The following PCDHB16 variants were observed in gnomAD, a reference collection of about 807,000 sequenced individuals.
The protein encoded by PCDHB16 is protocadherin beta-16.
For missense variants in PCDHB16, 1,026 were observed against 989.9 expected (o/e 1.04, Z -0.49); for synonymous variants, 444 against 436.5 (o/e 1.02, Z -0.21).
Position 141,185,007 on chromosome 5 carries a change from A to T in PCDHB16, c.*117A>T. ...TTCTTATGATTGTCTTGTTGATTAA[A>T]TTGTTCATGCTCACCACCACCAATA... is the stretch of plus-strand genomic sequence containing the variant. On this transcript the variant is annotated 3_prime_UTR_variant, in exon 1 of 1. Transcript: ENST00000609684. The T allele has an allele frequency of 6.8e-7, 1 of 1,477,124 alleles. No homozygotes were observed. The highest frequency in any genetic ancestry group is 9.0e-7 in the Non-Finnish European group (1 of 1,114,186). The allele number at this position is 1,477,124 out of a possible 1,614,324, so 91.5% of individuals were successfully genotyped here.
chr5:141,182,754 G>T lies in PCDHB16; in HGVS notation c.195G>T (p.Arg65Ser), dbSNP rs782507416. Residue 65 changes from arginine (R) to serine (S), a missense_variant, in exon 1 of 1, where the codon AGG becomes AGT. Transcript: ENST00000609684. ...CAGAGATGTCCACCCGCAAGGCCAG[G>T]ATCATTTCCCAGGGGAACAAACAGC... ...GLTEMSTRKA[R>S]IISQGNKQHL... The T allele has an allele frequency of 6.2e-7, 1 of 1,612,992 alleles. No individual in the cohort carries two copies. Among genetic ancestry groups the T allele is most frequent in the African/African-American group, 1.3e-5 (1 of 75,002 alleles).
In PCDHB16 at chr5:141,184,512, G is replaced by A. The variant is rs372268239; in HGVS notation, c.1953G>A (p.Pro651=). 1 of 1,609,320 alleles carries A rather than the reference G, an allele frequency of 6.2e-7. No homozygotes were observed. The highest frequency in any genetic ancestry group is 8.5e-7 in the Non-Finnish European group (1 of 1,179,610). The change falls in exon 1 of 1, where the codon CCG becomes CCA. Residue 651 remains proline, a synonymous_variant. Transcript: ENST00000609684. Reference sequence around the variant, plus strand: ...TGGTCAAGGACAATGGCGAGCCTCCGCGCTCGGCCACCGCCACGCTGCACG... The same window carrying A: ...TGGTCAAGGACAATGGCGAGCCTCCACGCTCGGCCACCGCCACGCTGCACG... ...VVLVKDNGEP[P]RSATATLHVL...
chr5:141,183,450 G>C lies in PCDHB16; in HGVS notation c.891G>C (p.Met297Ile). The stretch of plus-strand genomic sequence containing the variant: ...GTAAAACTTTGGAGGTAAATCCTAT[G>C]ACAGGGGAAGTTCGACTGAGAAAGC... ...DISKTLEVNP[M>I]TGEVRLRKQV... Residue 297 changes from methionine (M) to isoleucine (I), a missense_variant, in exon 1 of 1, where the codon ATG (methionine) becomes ATC (isoleucine). Coordinates refer to ENST00000609684, the MANE Select transcript of PCDHB16 (RefSeq NM_020957.4). 1.2e-6 allele frequency: 2 copies of C among 1,614,180 alleles called. No homozygotes were observed. The highest frequency in any genetic ancestry group is 1.7e-6 in the Non-Finnish European group (2 of 1,180,042).
rs1753617476 is a variant in PCDHB16, at chr5:141,183,400, CTCTT to C, written c.844_847del (p.Phe282SerfsTer12). 1.2e-6 allele frequency: 2 copies of C among 1,614,224 alleles called. No homozygotes were observed. Among genetic ancestry groups the C allele is most frequent in the Non-Finnish European group, 1.7e-6 (2 of 1,180,036 alleles). On this transcript the variant is annotated frameshift_variant, in exon 1 of 1. Transcript: ENST00000609684. LOFTEE classifies it low-confidence loss of function (END_TRUNC). The stretch of plus-strand genomic sequence containing the variant: ...AGCCAATGGAAAAATATCATACACA[CTCTT>C]TCAGCCTTCGGAGGATATTAGTAAA...
Position 141,185,784 on chromosome 5 carries a change from T to C in PCDHB16, c.*894T>C, listed in dbSNP as rs1753716958. On this transcript the variant is annotated 3_prime_UTR_variant, in exon 1 of 1. Coordinates refer to ENST00000609684, the MANE Select transcript of PCDHB16 (RefSeq NM_020957.4). ...AAAAGTTCTATTTTCCCTGTATTGG[T>C]ATCTCCTTAAATAAAATAAAATATT... The C allele has an allele frequency of 3.1e-6, 3 of 982,172 alleles. No individual in the cohort carries two copies. The highest frequency in any genetic ancestry group is 4.8e-5 in the South Asian group (1 of 20,924). 60.8% of individuals were successfully genotyped at this position (982,172 alleles called of 1,614,324 possible). A position where few individuals can be genotyped will look rare whatever the true frequency, so the allele number is the denominator to read the frequency against.
In PCDHB16 at chr5:141,182,613, T is replaced by C; in HGVS notation, c.54T>C (p.Phe18=). The change falls in exon 1 of 1, where the codon TTT becomes TTC. Residue 18 remains phenylalanine (F), a synonymous_variant. Transcript: ENST00000609684. ...NRRQRQVLVF[F]VLLSLSGAGA... Reference sequence around the variant, plus strand: ...GACAAAGGCAAGTCCTTGTTTTCTTTGTTTTGCTGAGCTTGTCTGGGGCGG... The same window carrying C: ...GACAAAGGCAAGTCCTTGTTTTCTTCGTTTTGCTGAGCTTGTCTGGGGCGG... 6.5e-7 allele frequency: 1 copy of C among 1,544,586 alleles called. No individual in the cohort carries two copies. The highest frequency in any genetic ancestry group is 8.7e-7 in the Non-Finnish European group (1 of 1,148,392).
In PCDHB16 at chr5:141,183,343, G is replaced by A; in HGVS notation, c.784G>A (p.Ala262Thr). 6.2e-7 allele frequency: 1 copy of A among 1,614,190 alleles called. No homozygotes were observed. The highest frequency in any genetic ancestry group is 1.6e-4 in the Middle Eastern group (1 of 6,062). ...PENSPLGSLV[A>T]TVSARDLDGG... ...GAACAGTCCTCTTGGCTCCCTGGTT[G>A]CCACCGTCTCCGCCAGGGATTTAGA... is the stretch of plus-strand genomic sequence containing the variant. Residue 262 changes from alanine (A) to threonine (T), a missense_variant, in exon 1 of 1, where the codon GCC (alanine) becomes ACC (threonine). Transcript: ENST00000609684.
chr5:141,182,577 G>T lies in PCDHB16; in HGVS notation c.18G>T (p.Met6Ile). Residue 6 changes from methionine to isoleucine, a missense_variant, in exon 1 of 1, where the codon ATG becomes ATT. Coordinates refer to ENST00000609684, the MANE Select transcript of PCDHB16 (RefSeq NM_020957.4). ...AAAAAGCAATGGAGATTGGATGGAT[G>T]CACAATCGGAGACAAAGGCAAGTCC... is the stretch of plus-strand genomic sequence containing the variant. The part of the protein sequence containing the change: MEIGW[M>I]HNRRQRQVLV... 6.6e-7 allele frequency: 1 copy of T among 1,521,276 alleles called. No homozygotes were observed. The highest frequency in any genetic ancestry group is 8.8e-7 in the Non-Finnish European group (1 of 1,136,640). 94.2% of individuals were successfully genotyped at this position (1,521,276 alleles called of 1,614,324 possible).
In PCDHB16 at chr5:141,184,841, C is replaced by A. The variant is rs1554282483; in HGVS notation, c.2282C>A (p.Thr761Lys). 1 of 1,614,090 alleles carries A rather than the reference C, an allele frequency of 6.2e-7. No homozygotes were observed. Among genetic ancestry groups the A allele is most frequent in the African/African-American group, 1.3e-5 (1 of 74,930 alleles). Residue 761 changes from threonine to lysine, a missense_variant, in exon 1 of 1, where the codon ACA (threonine) becomes AAA (lysine). Coordinates refer to ENST00000609684, the MANE Select transcript of PCDHB16 (RefSeq NM_020957.4). ...GTGTGTCTGACAGGAGGCTCAGAAACAAGTGAGTTCAAGTTCCTGAAGCCG... is the reference window on the plus strand; with the variant it reads ...GTGTGTCTGACAGGAGGCTCAGAAAAAAGTGAGTTCAAGTTCCTGAAGCCG... ...YEVCLTGGSE[T>K]SEFKFLKPII...
Position 141,185,986 on chromosome 5 carries a change from G to C in PCDHB16, c.*1096G>C, listed in dbSNP as rs782720141. 2.8e-5 allele frequency: 27 copies of C among 963,098 alleles called. 1 individual carries two copies. The South Asian group carries it at 1.2e-3, about 42-fold the overall frequency. 59.7% of individuals were successfully genotyped at this position (963,098 alleles called of 1,614,324 possible). A position where few individuals can be genotyped will look rare whatever the true frequency, so the allele number is the denominator to read the frequency against. Reference sequence around the variant, plus strand: ...CTATTACTGAATTAAAAAATCAGAGGTCCCTGTTATATTTTTAATGGCTAA... The same window carrying C: ...CTATTACTGAATTAAAAAATCAGAGCTCCCTGTTATATTTTTAATGGCTAA... On this transcript the variant is annotated 3_prime_UTR_variant, in exon 1 of 1. Transcript: ENST00000609684.
At position 141,184,456 on chromosome 5, in the gene PCDHB16, C is replaced by G. The variant is rs782733116; in HGVS notation, c.1897C>G (p.Arg633Gly). ...GCGCACCGCCAGGCTGCTGAGCGAG[C>G]GCGACGCAGCCAAGCAGAGGCTGGT... ...EVRTARLLSE[R>G]DAAKQRLVVL... The change falls in exon 1 of 1, where the codon CGC becomes GGC. Residue 633 changes from arginine (R) to glycine (G), a missense_variant. Physicochemically the swap from Arg to Gly is moderately radical, Grantham distance 125. Transcript: ENST00000609684. The G allele has an allele frequency of 1.1e-5, 18 of 1,608,248 alleles. No individual in the cohort carries two copies. The highest frequency in any genetic ancestry group is 2.2e-4 in the Middle Eastern group (1 of 4,490).
Position 141,182,733 on chromosome 5 carries a change from G to C in PCDHB16, c.174G>C (p.Glu58Asp). ...AAGACCTGGGGTTGGGGTTGACAGAGATGTCCACCCGCAAGGCCAGGATCA... is the reference window on the plus strand; with the variant it reads ...AAGACCTGGGGTTGGGGTTGACAGACATGTCCACCCGCAAGGCCAGGATCA... ...LGKDLGLGLT[E>D]MSTRKARIIS... The change falls in exon 1 of 1, where the codon GAG becomes GAC. Residue 58 changes from glutamate (E) to aspartate (D), a missense_variant. By Grantham distance (45) the Glu-to-Asp change is conservative (BLOSUM62 2). Coordinates refer to ENST00000609684, the MANE Select transcript of PCDHB16 (RefSeq NM_020957.4). The C allele has an allele frequency of 6.2e-7, 1 of 1,612,004 alleles. No individual in the cohort carries two copies.
Position 141,186,062 on chromosome 5 carries a change from A to C in PCDHB16, c.*1172A>C. Reference sequence around the variant, plus strand: ...AAAAACTTATCAAAGAGACATTTACATGGTTTGGCTTTTATATTCATCATA... The same window carrying C: ...AAAAACTTATCAAAGAGACATTTACCTGGTTTGGCTTTTATATTCATCATA... On this transcript the variant is annotated 3_prime_UTR_variant, in exon 1 of 1. Coordinates refer to ENST00000609684, the MANE Select transcript of PCDHB16 (RefSeq NM_020957.4). 1 of 999,240 alleles carries C rather than the reference A, an allele frequency of 1.0e-6. No individual in the cohort carries two copies. The highest frequency in any genetic ancestry group is 1.2e-6 in the Non-Finnish European group (1 of 829,050). 61.9% of individuals were successfully genotyped at this position (999,240 alleles called of 1,614,324 possible). A position where few individuals can be genotyped will look rare whatever the true frequency, so the allele number is the denominator to read the frequency against.
Position 141,184,525 on chromosome 5 carries a change from G to T in PCDHB16, c.1966G>T (p.Ala656Ser). 3 of 1,609,842 alleles carry T rather than the reference G, an allele frequency of 1.9e-6. No homozygotes were observed. Among genetic ancestry groups the T allele is most frequent in the Non-Finnish European group, 2.5e-6 (3 of 1,179,664 alleles). Residue 656 changes from alanine (A) to serine (S), a missense_variant, in exon 1 of 1, where the codon GCC becomes TCC. Ala to Ser is a moderately conservative substitution (Grantham distance 99, BLOSUM62 1). Transcript: ENST00000609684. ...TGGCGAGCCTCCGCGCTCGGCCACC[G>T]CCACGCTGCACGTGCTCCTGGTGGA... ...DNGEPPRSAT[A>S]TLHVLLVDGF...
At position 141,182,506 on chromosome 5, in the gene PCDHB16, T is replaced by C; in HGVS notation, c.-54T>C. 1 of 1,469,648 alleles carries C rather than the reference T, an allele frequency of 6.8e-7. No homozygotes were observed. The highest frequency in any genetic ancestry group is 1.4e-5 in the South Asian group (1 of 69,134). 91.0% of individuals were successfully genotyped at this position (1,469,648 alleles called of 1,614,324 possible). A position where few individuals can be genotyped will look rare whatever the true frequency, so the allele number is the denominator to read the frequency against. On this transcript the variant is annotated 5_prime_UTR_variant, in exon 1 of 1. Transcript: ENST00000609684. ...ATTCTGGACTGCAAAACAGTTCTAC[T>C]AGGATCCTGGGGATACATGAAGCTT... is the stretch of plus-strand genomic sequence containing the variant.
At position 141,184,342 on chromosome 5, in the gene PCDHB16, G is replaced by T; in HGVS notation, c.1783G>T (p.Asp595Tyr). Residue 595 changes from aspartate (D) to tyrosine (Y), a missense_variant, in exon 1 of 1, where the codon GAC (aspartate) becomes TAC (tyrosine). Physicochemically the swap from Asp to Tyr is radical, Grantham distance 160. Coordinates refer to ENST00000609684, the MANE Select transcript of PCDHB16 (RefSeq NM_020957.4). ...GACCAAGGTGGTGGCGGTGGACGGC[G>T]ACTCGGGCCAGAATGCCTGGCTGTC... ...LVTKVVAVDG[D>Y]SGQNAWLSYQ... The T allele has an allele frequency of 4.4e-6, 7 of 1,595,532 alleles. No homozygotes were observed. The highest frequency in any genetic ancestry group is 6.0e-6 in the Non-Finnish European group (7 of 1,174,454).
rs782095322 is a variant in PCDHB16 at position 141,183,818 on chromosome 5, C to A, written c.1259C>A (p.Thr420Asn). The A allele has an allele frequency of 6.2e-7, 1 of 1,614,210 alleles. No individual in the cohort carries two copies. The highest frequency in any genetic ancestry group is 1.6e-4 in the Middle Eastern group (1 of 6,062). ...DREARAEYNI[T>N]LTVTDMGTPR... Reference sequence around the variant, plus strand: ...GAAGCAAGAGCTGAATATAATATCACCCTCACCGTCACAGATATGGGGACT... The same window carrying A: ...GAAGCAAGAGCTGAATATAATATCAACCTCACCGTCACAGATATGGGGACT... The change falls in exon 1 of 1, where the codon ACC becomes AAC. Residue 420 changes from threonine to asparagine, a missense_variant. By Grantham distance (65) the Thr-to-Asn change is moderately conservative. Coordinates refer to ENST00000609684, the MANE Select transcript of PCDHB16 (RefSeq NM_020957.4).
chr5:141,185,002 A>G lies in PCDHB16; in HGVS notation c.*112A>G, dbSNP rs1753687569. On this transcript the variant is annotated 3_prime_UTR_variant, in exon 1 of 1. Transcript: ENST00000609684. ...TTAACTTCTTATGATTGTCTTGTTG[A>G]TTAAATTGTTCATGCTCACCACCAC... is the stretch of plus-strand genomic sequence containing the variant. 4.0e-6 allele frequency: 6 copies of G among 1,482,630 alleles called. No individual in the cohort carries two copies. The South Asian group carries it at 8.5e-5, about 21-fold the overall frequency. The allele number at this position is 1,482,630 out of a possible 1,614,324, so 91.8% of individuals were successfully genotyped here.
rs1554282558 is a variant in PCDHB16, at chr5:141,185,550, A to G, written c.*660A>G. 3.1e-6 allele frequency: 1 copy of G among 325,148 alleles called. No homozygotes were observed. The highest frequency in any genetic ancestry group is 2.2e-5 in the African/African-American group (1 of 44,474). 20.1% of individuals were successfully genotyped at this position (325,148 alleles called of 1,614,324 possible). On this transcript the variant is annotated 3_prime_UTR_variant, in exon 1 of 1. Coordinates refer to ENST00000609684, the MANE Select transcript of PCDHB16 (RefSeq NM_020957.4). ...CTCAGCCTCCCAAGTAGCTTGGACT[A>G]TAGGTGCATGCCACCATGCCTGGCT...
Sources: allele counts gnomAD v4.1 joint callset, GRCh38; gene constraint gnomAD v4.1.1; transcripts MANE v1.5; gene names NCBI Gene and HGNC (gene_info 2026-07-23, HGNC 2026-07-21).